Variants in MYO5B observed in about 807,000 individuals in gnomAD.
The protein encoded by MYO5B is myosin VB, also known as unconventional myosin-Vb.
Under a neutral mutation model 229.3 loss-of-function variants are expected in MYO5B, and 143 were observed. The observed-to-expected ratio is 0.62, with a 90% confidence interval of 0.54 to 0.72. The LOEUF (loss-of-function observed/expected upper bound fraction) is 0.72. Ranked by LOEUF, MYO5B falls within the 30% of genes least tolerant of loss-of-function variation. The probability of loss-of-function intolerance (pLI) is 0.00; values close to 1 mark genes in which losing one functional copy is unlikely to be tolerated. For synonymous variants in MYO5B, 918 were observed against 885.2 expected (o/e 1.04, Z -0.66); for missense variants, 2,321 against 2,331.0 (o/e 1.00, Z 0.09).
chr18:50,172,515 T>G (rs960698228), intron 1 of MYO5B, among the ~76,000 whole-genome samples: 1 of 152,202 alleles, frequency 6.6e-6, no homozygotes, highest in Admixed American at 6.5e-5. Flanking sequence ...AAGACTCTCA[T>G]GCAGTGGGTG....
intron 5 of MYO5B, among the ~76,000 whole-genome samples, chr18:49,996,884 T>A (rs2025993600): frequency 6.6e-6 from 1 of 152,250 alleles, no homozygotes; most frequent in African/African-American, 2.4e-5. Context: ...AGTATGTTGA[T>A]ACATGAAAGA....
At chr18:50,079,773 G>A (rs1287695175) in intron 1 of MYO5B, among the ~76,000 whole-genome samples, 15 of 151,864 alleles carry the variant, frequency 9.9e-5, no homozygotes, top group Admixed American at 9.8e-4. Flanking sequence ...CCAGGGCAAA[G>A]CATCTGCTAT....
intron 1 of MYO5B, among the ~76,000 whole-genome samples, chr18:50,099,419 G>A (rs545059757): frequency 7.2e-5 from 11 of 152,340 alleles, no homozygotes; most frequent in Admixed American, 5.2e-4. Flanking sequence ...CTTAGCAACA[G>A]TGGGACACAC....
At chr18:49,839,001 G>T in intron 36 of MYO5B, 143 bp downstream of exon 36, 1 of 986,796 alleles carries the variant, frequency 1.0e-6, no homozygotes, top group Non-Finnish European at 1.6e-6. Flanking sequence ...GCACACCTCA[G>T]TTCTGCCTTC....
chr18:50,185,368 T>C (rs560028708), intron 1 of MYO5B, among the ~76,000 whole-genome samples: 1 of 151,784 alleles, frequency 6.6e-6, no homozygotes, highest in African/African-American at 2.4e-5. Context: ...GGTTCTCTTG[T>C]GGTGGCTATT....
intron 1 of MYO5B, among the ~76,000 whole-genome samples, chr18:50,147,956 AAGAG>A (rs1299541715): frequency 1.3e-5 from 2 of 152,110 alleles, no homozygotes; most frequent in African/African-American, 2.4e-5. Flanking sequence ...TAAAGAAAAA[AAGAG>A]AGAAGAATCA....
intron 4 of MYO5B, among the ~76,000 whole-genome samples, chr18:50,018,390 G>A (rs1029612075): frequency 3.3e-5 from 5 of 150,866 alleles, no homozygotes; most frequent in African/African-American, 1.2e-4. Context: ...TTAAAGACAT[G>A]TTAAGATCTT....
At chr18:50,044,078 T>G (rs1319938932) in intron 2 of MYO5B, among the ~76,000 whole-genome samples, 3 of 152,170 alleles carry the variant, frequency 2.0e-5, no homozygotes, top group African/African-American at 7.2e-5. Context: ...CAAACACACA[T>G]GCAGTTTTGT....
intron 7 of MYO5B, among the ~76,000 whole-genome samples, chr18:49,985,965 C>T (rs2025866491): frequency 1.3e-5 from 2 of 152,172 alleles, no homozygotes; most frequent in South Asian, 2.1e-4. Flanking sequence ...AGACACTATT[C>T]CAATCTCTCT....
At position 49,916,794 on chromosome 18, in the gene MYO5B, A is replaced by G. The variant is rs141042733; in HGVS notation, c.2091-4621T>C. ...GATGTCGCTCCCCGAAGGACCCAGC[A>G]TCAAATGTGAATTCTCCTTTCGGTG... On this transcript the variant is annotated intron_variant, in intron 17 of 39. Transcript: ENST00000285039. Among the ~76,000 whole-genome samples the G allele has an allele frequency of 5.6e-3, 846 of 152,334 alleles. 2 individuals are homozygous for G. The highest frequency in any genetic ancestry group is 0.018 in the South Asian group (87 of 4,824).
intron 1 of MYO5B, among the ~76,000 whole-genome samples, chr18:50,119,364 TTC>T (rs1272401343): frequency 1.3e-5 from 2 of 152,204 alleles, no homozygotes; most frequent in Non-Finnish European, 2.9e-5. Context: ...CCTCAACAAA[TTC>T]TGTTTTCTCT....
chr18:50,049,536 G>T (rs1283498308), intron 2 of MYO5B, among the ~76,000 whole-genome samples: 1 of 152,208 alleles, frequency 6.6e-6, no homozygotes, highest in East Asian at 1.9e-4. Context: ...GCAATGGACA[G>T]ACCAGACCAC....
intron 14 of MYO5B, among the ~76,000 whole-genome samples, chr18:49,951,317 G>C (rs1255567058): frequency 6.6e-6 from 1 of 152,084 alleles, no homozygotes; most frequent in East Asian, 1.9e-4. Flanking sequence ...TTGAACCTGG[G>C]GGTGGTCCTG....
chr18:49,895,257 G>T, intron 21 of MYO5B, 83 bp from the exon 22 acceptor site: 2 of 1,222,412 alleles, frequency 1.6e-6, no homozygotes, highest in Non-Finnish European at 1.2e-6. Flanking sequence ...AAGCATGAAG[G>T]CAATCAAAAA....
chr18:49,977,126 AACC>A (rs973276950), intron 9 of MYO5B, among the ~76,000 whole-genome samples: 2 of 152,104 alleles, frequency 1.3e-5, no homozygotes, highest in African/African-American at 2.4e-5. Context: ...ACCGGCTTTT[AACC>A]ACCACAGTGG....
chr18:50,001,366 G>A lies in MYO5B; in HGVS notation c.501C>T (p.Ala167=), dbSNP rs779959137. The A allele has an allele frequency of 1.7e-5, 27 of 1,613,996 alleles. No homozygotes were observed. The highest frequency in any genetic ancestry group is 5.3e-5 in the African/African-American group (4 of 74,916). ...QSIIVSGESG[A]GKTVSAKYAM... ...CATACTTGGCTGATACCGTCTTCCC[G>A]GCTCCAGACTCCCCACTGACTATGA... The change falls in exon 5 of 40, where the codon GCC becomes GCT. Residue 167 remains alanine, a synonymous_variant. Transcript: ENST00000285039.
intron 1 of MYO5B, among the ~76,000 whole-genome samples, chr18:50,090,651 A>C (rs955520553): frequency 6.6e-6 from 1 of 152,164 alleles, no homozygotes; most frequent in Non-Finnish European, 1.5e-5. Context: ...TCTGTAAGCC[A>C]AGGTTTACAA....
At chr18:50,134,904 A>T (rs1424132448) in intron 1 of MYO5B, among the ~76,000 whole-genome samples, 1 of 152,204 alleles carries the variant, frequency 6.6e-6, no homozygotes, top group Non-Finnish European at 1.5e-5. Flanking sequence ...ACTTACTCAG[A>T]TCTGTCTTTG....
At chr18:50,032,252 G>C (rs2026398468) in intron 4 of MYO5B, among the ~76,000 whole-genome samples, 1 of 152,070 alleles carries the variant, frequency 6.6e-6, no homozygotes, top group Non-Finnish European at 1.5e-5. Flanking sequence ...ATAATTCTAT[G>C]ATTTTTAGTA....
Sources: allele counts gnomAD v4.1 joint callset (sites outside exome capture counted in the v4.1 genomes callset), GRCh38; gene constraint gnomAD v4.1.1; transcripts MANE v1.5; gene names NCBI Gene and HGNC (gene_info 2026-07-23, HGNC 2026-07-21).